Variants in SGSM1 observed in about 807,000 individuals in gnomAD.
The protein encoded by SGSM1 is RUN and TBC1 domain containing 2.
In SGSM1, 73 loss-of-function variants were observed where a neutral mutation model predicts 133.8. The ratio of observed to expected loss-of-function variants is 0.55; its 90% confidence interval spans 0.45 to 0.66. The LOEUF is 0.66. SGSM1 is among the 30% of genes least tolerant of loss of function. The pLI, the probability that SGSM1 is intolerant of heterozygous loss-of-function variation, is 0.00. For missense variants in SGSM1, 1,213 were observed against 1,448.1 expected, an observed-to-expected ratio of 0.84 and a Z score of 2.64; for synonymous variants, 563 against 573.0, an observed-to-expected ratio of 0.98 and a Z score of 0.25.
Position 24,898,366 on chromosome 22 carries a change from T to TG in SGSM1, c.2418dup (p.Pro807AlafsTer2). On this transcript the variant is annotated frameshift_variant, in exon 19 of 25. Transcript: ENST00000400358. LOFTEE classifies it high-confidence loss of function. ...ATCACGGGCAGCCTGGACATGGCCC[T>TG]GCCTGAAAAGGACGATGTTGTGATG... The TG allele has an allele frequency of 6.2e-7, 1 of 1,613,774 alleles. No homozygotes were observed. Among genetic ancestry groups the TG allele is most frequent in the East Asian group, 2.2e-5 (1 of 44,844 alleles).
intron 8 of SGSM1, among the ~76,000 whole-genome samples, chr22:24,858,235 C>T (rs1930920943): frequency 6.6e-6 from 1 of 152,196 alleles, no homozygotes; most frequent in Non-Finnish European, 1.5e-5. Context: ...CCACCTCAGC[C>T]TCCCAAACCT....
At chr22:24,845,950 TTTC>T (rs762499500) in intron 3 of SGSM1, among the ~76,000 whole-genome samples, 2 of 54,470 alleles carry the variant, frequency 3.7e-5, no homozygotes, top group African/African-American at 6.6e-5. Flanking sequence ...CTTTTCTTTC[TTTC>T]TTTCTTTCTT....
Position 24,924,762 on chromosome 22 carries a change from C to T in SGSM1, c.*488C>T, listed in dbSNP as rs573732206. ...GAAGATTGACTTAGAGATTGACCCT[C>T]CACCTCGACATTACTGACATTTGGG... On this transcript the variant is annotated 3_prime_UTR_variant, in exon 25 of 25. Coordinates refer to ENST00000400358, the MANE Select transcript of SGSM1 (RefSeq NM_001098497.3). 2 of 162,622 alleles carry T rather than the reference C, an allele frequency of 1.2e-5. No homozygotes were observed. The highest frequency in any genetic ancestry group is 4.8e-5 in the African/African-American group (2 of 41,728). 10.1% of individuals were successfully genotyped at this position (162,622 alleles called of 1,614,324 possible). A position where few individuals can be genotyped will look rare whatever the true frequency, so the allele number is the denominator to read the frequency against.
At chr22:24,812,991 C>T (rs1173374033) in intron 2 of SGSM1, among the ~76,000 whole-genome samples, 2 of 152,062 alleles carry the variant, frequency 1.3e-5, no homozygotes, top group Admixed American at 1.3e-4. Flanking sequence ...ACAAGAGCTC[C>T]AAGGAAAATA....
intron 15 of SGSM1, among the ~76,000 whole-genome samples, chr22:24,885,692 G>C (rs1308003856): frequency 2.0e-5 from 3 of 152,130 alleles, no homozygotes; most frequent in Admixed American, 6.6e-5. Flanking sequence ...AAAGTGCTGG[G>C]ATTACAGGCG....
chr22:24,824,730 T>G (rs1928702969), intron 2 of SGSM1, among the ~76,000 whole-genome samples: 1 of 152,134 alleles, frequency 6.6e-6, no homozygotes, highest in Non-Finnish European at 1.5e-5. Context: ...ATATTTGTTC[T>G]TCAGATCTTG....
At chr22:24,900,476 C>T (rs553902181) in intron 19 of SGSM1, among the ~76,000 whole-genome samples, 22 of 151,338 alleles carry the variant, frequency 1.5e-4, no homozygotes, top group South Asian at 1.3e-3. Flanking sequence ...CTCGACTCAC[C>T]GCAACCTCCG....
At position 24,886,670 on chromosome 22, in the gene SGSM1, T is replaced by G. The variant is rs1932624772; in HGVS notation, c.1712T>G (p.Val571Gly). Residue 571 changes from valine to glycine, a missense_variant, in exon 16 of 25, where the codon GTG (valine) becomes GGG (glycine). Transcript: ENST00000400358. ...ATCCAGCCTGAGATCCGCAAGGCCG[T>G]GTGGCCCTTCCTCCTGGGCCACTAC... is the stretch of plus-strand genomic sequence containing the variant. ...GGIQPEIRKAVWPFLLGHYQF... is the reference protein window; with the variant it reads ...GGIQPEIRKAGWPFLLGHYQF... 6.4e-7 allele frequency: 1 copy of G among 1,569,894 alleles called. No homozygotes were observed. The highest frequency in any genetic ancestry group is 1.4e-5 in the African/African-American group (1 of 73,820).
Position 24,879,686 on chromosome 22 carries a change from C to T in SGSM1, c.1495+160C>T, listed in dbSNP as rs117977772. Among the ~76,000 whole-genome samples, 1,053 of 152,276 alleles carry T rather than the reference C, an allele frequency of 6.9e-3. 28 individuals carry two copies. The East Asian group carries it at 0.086, about 12-fold the overall frequency. On this transcript the variant is annotated intron_variant, in intron 14 of 24. Coordinates refer to ENST00000400358, the MANE Select transcript of SGSM1 (RefSeq NM_001098497.3). ...GTGACGTTACATGAACTTCTCTGAG[C>T]CTCAGTTTTCTTGTCTACTGACGGG...
chr22:24,906,632 T>C (rs1421442828), intron 21 of SGSM1, among the ~76,000 whole-genome samples: 1 of 152,198 alleles, frequency 6.6e-6, no homozygotes, highest in Non-Finnish European at 1.5e-5. Flanking sequence ...TGCAATAGCA[T>C]CTAGAAGAAT....
chr22:24,885,120 A>G (rs1932528597), intron 15 of SGSM1, among the ~76,000 whole-genome samples: 1 of 150,154 alleles, frequency 6.7e-6, no homozygotes, highest in Non-Finnish European at 1.5e-5. Flanking sequence ...TTTTAAGTAG[A>G]GACGGGGTTT....
At chr22:24,840,857 GT>G (rs1929747315) in intron 2 of SGSM1, among the ~76,000 whole-genome samples, 2 of 151,830 alleles carry the variant, frequency 1.3e-5, no homozygotes, top group African/African-American at 4.8e-5. Context: ...GTTTTGTTTT[GT>G]TTTGTTTTTT....
chr22:24,842,015 C>T (rs1159651380), intron 2 of SGSM1, among the ~76,000 whole-genome samples: 1 of 152,196 alleles, frequency 6.6e-6, no homozygotes, highest in East Asian at 1.9e-4. Context: ...GACTCCCCCA[C>T]CCCCAATGTC....
At chr22:24,899,960 T>G (rs1386975051) in intron 19 of SGSM1, among the ~76,000 whole-genome samples, 1 of 152,200 alleles carries the variant, frequency 6.6e-6, no homozygotes, top group East Asian at 1.9e-4. Flanking sequence ...ATATATTTTT[T>G]AACATTTTAT....
Position 24,879,516 on chromosome 22 carries a change from C to T in SGSM1, c.1485C>T (p.Ala495=), listed in dbSNP as rs1161051439. The change falls in exon 14 of 25, where the codon GCC becomes GCT. Residue 495 remains alanine (A), a synonymous_variant. Transcript: ENST00000400358. ...TGAAGTACCAGATCCTCTCCAGAGC[C>T]TTCTATGGATGTACGTATAGGGCTC... The part of the protein sequence containing the change: ...DNMKYQILSR[A]FYGWLAYCRH... 1.2e-6 allele frequency: 2 copies of T among 1,613,620 alleles called. No homozygotes were observed. The highest frequency in any genetic ancestry group is 1.7e-6 in the Non-Finnish European group (2 of 1,179,776).
In SGSM1 at chr22:24,884,033, T is replaced by C. The variant is rs370227298; in HGVS notation, c.1496-20T>C. On this transcript the variant is annotated intron_variant, in intron 14 of 24. Coordinates refer to ENST00000400358, the MANE Select transcript of SGSM1 (RefSeq NM_001098497.3). ...GCTTCAGGTGGTGGATGATGACACT[T>C]TCCCTCCCTCCCTCAACAGGGCTGG... is the stretch of plus-strand genomic sequence containing the variant. 27 of 1,586,282 alleles carry C rather than the reference T, an allele frequency of 1.7e-5. No individual in the cohort carries two copies. Among genetic ancestry groups the C allele is most frequent in the Non-Finnish European group, 2.2e-5 (25 of 1,161,798 alleles).
intron 2 of SGSM1, among the ~76,000 whole-genome samples, chr22:24,810,170 G>C (rs1927652034): frequency 6.6e-6 from 1 of 152,140 alleles, no homozygotes; most frequent in Non-Finnish European, 1.5e-5. Flanking sequence ...AGGTGATGGA[G>C]CTGAAATTGC....
intron 12 of SGSM1, among the ~76,000 whole-genome samples, chr22:24,876,287 T>A (rs1275940735): frequency 6.6e-6 from 1 of 152,182 alleles, no homozygotes; most frequent in Non-Finnish European, 1.5e-5. Flanking sequence ...TGGCAAGGCT[T>A]GGCCTCCTGC....
intron 16 of SGSM1, among the ~76,000 whole-genome samples, chr22:24,889,737 C>T (rs1195081861): frequency 6.7e-6 from 1 of 149,660 alleles, no homozygotes; most frequent in Non-Finnish European, 1.5e-5. Context: ...GCAAGCTCTG[C>T]CTGCTGAGTT....
Sources: allele counts gnomAD v4.1 joint callset (sites outside exome capture counted in the v4.1 genomes callset), GRCh38; gene constraint gnomAD v4.1.1; transcripts MANE v1.5; gene names NCBI Gene and HGNC (gene_info 2026-07-23, HGNC 2026-07-21).